Variants in HS3ST4 observed in about 807,000 individuals in gnomAD.
The protein encoded by HS3ST4 is heparan sulfate glucosamine 3-O-sulfotransferase 4.
A neutral mutation model predicts 29.2 loss-of-function variants in HS3ST4; 17 were observed. The ratio of observed to expected loss-of-function variants is 0.58; its 90% CI spans 0.40 to 0.87. The LOEUF (loss-of-function observed/expected upper bound fraction) is 0.87. Among genes scored for constraint, HS3ST4 ranks in the 40% least tolerant of loss-of-function variants. The pLI is 0.00. For synonymous variants in HS3ST4, 314 were observed against 285.7 expected (o/e 1.10, Z -1.00); for missense variants, 627 against 634.5 (o/e 0.99, Z 0.13).
chr16:25,919,342 T>C (rs1196875391), intron 1 of HS3ST4, among the ~76,000 whole-genome samples: 2 of 152,166 alleles, frequency 1.3e-5, no homozygotes, highest in Non-Finnish European at 1.5e-5. Flanking sequence ...TAATACATTT[T>C]AGAAGTTACC....
At chr16:25,772,386 T>A (rs1966843728) in intron 1 of HS3ST4, among the ~76,000 whole-genome samples, 1 of 152,226 alleles carries the variant, frequency 6.6e-6, no homozygotes, top group Non-Finnish European at 1.5e-5. Flanking sequence ...TGGAGTCAAC[T>A]ATATTTGGTT....
At chr16:26,009,780 T>A (rs1053740463) in intron 1 of HS3ST4, among the ~76,000 whole-genome samples, 2 of 152,236 alleles carry the variant, frequency 1.3e-5, no homozygotes, top group African/African-American at 4.8e-5. Flanking sequence ...GCAGTTCACG[T>A]GCTCTCGCCT....
intron 1 of HS3ST4, among the ~76,000 whole-genome samples, chr16:25,989,524 A>T (rs544909173): frequency 1.3e-5 from 2 of 152,242 alleles, no homozygotes; most frequent in South Asian, 4.2e-4. Flanking sequence ...CAGCTATATA[A>T]ATTAGTTGGT....
rs557167885 is a variant in HS3ST4 at position 25,720,840 on chromosome 16, A to G, written c.734+27689A>G. On this transcript the variant is annotated intron_variant, in intron 1 of 1. Coordinates refer to ENST00000331351, the MANE Select transcript of HS3ST4 (RefSeq NM_006040.3). Reference sequence around the variant, plus strand: ...TAAGGGGAAAGATCAGGACTTTCATATTGGACATGAGATGCCCATTAGACT... The same window carrying G: ...TAAGGGGAAAGATCAGGACTTTCATGTTGGACATGAGATGCCCATTAGACT... 7.9e-5 allele frequency among the ~76,000 whole-genome samples: 12 copies of G among 152,324 alleles called. No individual in the cohort carries two copies. The South Asian group carries it at 1.2e-3, about 16-fold the overall frequency.
chr16:26,127,711 C>T lies in HS3ST4; in HGVS notation c.735-7901C>T, dbSNP rs189904698. Among the ~76,000 whole-genome samples the T allele has an allele frequency of 2.0e-3, 310 of 152,254 alleles. 2 individuals are homozygous for T. The highest frequency in any genetic ancestry group is 6.5e-3 in the African/African-American group (272 of 41,548). ...ACTTCTCTGAGCCTCAGATTACTCA[C>T]GGATATCATGGGGAATAATGAGTAT... On this transcript the variant is annotated intron_variant, in intron 1 of 1. Coordinates refer to ENST00000331351, the MANE Select transcript of HS3ST4 (RefSeq NM_006040.3).
At chr16:25,781,564 T>A (rs896590543) in intron 1 of HS3ST4, among the ~76,000 whole-genome samples, 1 of 152,152 alleles carries the variant, frequency 6.6e-6, no homozygotes, top group Non-Finnish European at 1.5e-5. Flanking sequence ...CTGCACAAAC[T>A]AATTTAATCC....
At chr16:25,968,908 C>T (rs567683576) in intron 1 of HS3ST4, among the ~76,000 whole-genome samples, 1 of 152,272 alleles carries the variant, frequency 6.6e-6, no homozygotes, top group African/African-American at 2.4e-5. Context: ...CAACCTCTGC[C>T]TCCCGGGTTC....
At chr16:26,010,876 A>G (rs982808120) in intron 1 of HS3ST4, among the ~76,000 whole-genome samples, 1 of 152,214 alleles carries the variant, frequency 6.6e-6, no homozygotes, top group Non-Finnish European at 1.5e-5. Context: ...GAGATTTACT[A>G]TATTATATGA....
At chr16:25,711,554 A>G (rs1210540394) in intron 1 of HS3ST4, among the ~76,000 whole-genome samples, 1 of 152,112 alleles carries the variant, frequency 6.6e-6, no homozygotes, top group East Asian at 1.9e-4. Context: ...TGACACAGTG[A>G]CATCACGGCC....
Position 25,954,077 on chromosome 16 carries a change from A to G in HS3ST4, c.735-181535A>G, listed in dbSNP as rs921048137. On this transcript the variant is annotated intron_variant, in intron 1 of 1. Coordinates refer to ENST00000331351, the MANE Select transcript of HS3ST4 (RefSeq NM_006040.3). ...GTGAATACTTAGGGGATATAGGAGA[A>G]CTGGCAGCAATTGCTACAGACCAAG... 2.0e-5 allele frequency among the ~76,000 whole-genome samples: 3 copies of G among 152,220 alleles called. No individual in the cohort carries two copies. The South Asian group carries it at 6.2e-4, about 32-fold the overall frequency.
chr16:25,829,002 C>G (rs1052507515), intron 1 of HS3ST4, among the ~76,000 whole-genome samples: 2 of 152,210 alleles, frequency 1.3e-5, no homozygotes, highest in African/African-American at 4.8e-5. Context: ...TAGCATTCCT[C>G]TCTTCTGCCT....
intron 1 of HS3ST4, among the ~76,000 whole-genome samples, chr16:25,804,774 CCTT>C (rs1567243641): frequency 6.6e-6 from 1 of 152,084 alleles, no homozygotes; most frequent in Non-Finnish European, 1.5e-5. Context: ...TCCTGTCCTC[CCTT>C]AGGCCATTGG....
chr16:25,947,941 A>G (rs1474062018), intron 1 of HS3ST4, among the ~76,000 whole-genome samples: 2 of 152,088 alleles, frequency 1.3e-5, no homozygotes, highest in Non-Finnish European at 2.9e-5. Flanking sequence ...ACCAGTGCCT[A>G]CCTCCATCGG....
chr16:25,876,586 T>C (rs955047778), intron 1 of HS3ST4, among the ~76,000 whole-genome samples: 1 of 152,092 alleles, frequency 6.6e-6, no homozygotes, highest in African/African-American at 2.4e-5. Flanking sequence ...TCTTATTGGT[T>C]CTAATTAGTC....
At chr16:25,699,865 A>G (rs778970034) in intron 1 of HS3ST4, among the ~76,000 whole-genome samples, 3 of 152,176 alleles carry the variant, frequency 2.0e-5, no homozygotes, top group Non-Finnish European at 4.4e-5. Flanking sequence ...TTACGTGAGG[A>G]TGACACGAAA....
intron 1 of HS3ST4, among the ~76,000 whole-genome samples, chr16:25,790,276 G>A (rs569404192): frequency 9.9e-4 from 150 of 152,212 alleles, no homozygotes; most frequent in African/African-American, 3.5e-3. Context: ...TGGATGTGAT[G>A]GCAGGTGCCT....
At chr16:26,071,932 G>C (rs1432391204) in intron 1 of HS3ST4, among the ~76,000 whole-genome samples, 1 of 152,178 alleles carries the variant, frequency 6.6e-6, no homozygotes, top group Non-Finnish European at 1.5e-5. Context: ...TCAAATTGGA[G>C]CCAACTGGAA....
chr16:26,135,028 TCAA>T (rs1230518956), intron 1 of HS3ST4, among the ~76,000 whole-genome samples: 1 of 152,170 alleles, frequency 6.6e-6, no homozygotes, highest in Non-Finnish European at 1.5e-5. Context: ...GGTTTTTTTT[TCAA>T]CAACAATTCA....
intron 1 of HS3ST4, among the ~76,000 whole-genome samples, chr16:26,102,666 A>G (rs1437815849): frequency 1.3e-5 from 2 of 152,126 alleles, no homozygotes; most frequent in African/African-American, 2.4e-5. Context: ...CTCTTGTATA[A>G]TGTTACGTGA....
Sources: gnomAD v4.1 joint callset for allele counts (sites outside exome capture counted in the v4.1 genomes callset) on GRCh38, gnomAD v4.1.1 for gene constraint, MANE v1.5 for transcripts, NCBI Gene and HGNC (gene_info 2026-07-23, HGNC 2026-07-21) for gene names.